The following WWC2 variants were observed in gnomAD, a reference collection of about 807,000 sequenced individuals.
WWC2 encodes WW and C2 domain containing 2, also known as protein WWC2.
WWC2 carries 101 observed loss-of-function variants against 138.5 expected under a neutral mutation model. That is an observed-to-expected ratio of 0.73 (90% CI 0.62 to 0.86). The LOEUF (loss-of-function observed/expected upper bound fraction) is 0.86, where lower values mean the gene tolerates loss of function less well. Ranked by LOEUF, WWC2 falls within the 40% of genes least tolerant of loss-of-function variation. The pLI is 0.00. For synonymous variants in WWC2, 558 were observed against 538.4 expected, an observed-to-expected ratio of 1.04 and a Z score of -0.50; for missense variants, 1,420 against 1,419.4, an observed-to-expected ratio of 1.00 and a Z score of -0.01.
intron 1 of WWC2, among the ~76,000 whole-genome samples, chr4:183,155,456 G>A (rs1733779705): frequency 2.6e-5 from 4 of 152,102 alleles, no homozygotes; most frequent in Admixed American, 2.6e-4. Flanking sequence ...ATCTTTTGAA[G>A]GGTTTTGCTA....
At chr4:183,117,215 CTTTTTTTT>C (rs923478529) in intron 1 of WWC2, among the ~76,000 whole-genome samples, 2 of 95,670 alleles carry the variant, frequency 2.1e-5, no homozygotes, top group African/African-American at 8.5e-5. Flanking sequence ...CATTCTTCTT[CTTTTTTTT>C]TTTTTTTTTT....
rs767527216 is a variant in WWC2, at chr4:183,319,911, T to C, written c.*4182T>C. 1 of 1,613,788 alleles carries C rather than the reference T, an allele frequency of 6.2e-7. No homozygotes were observed. The highest frequency in any genetic ancestry group is 8.5e-7 in the Non-Finnish European group (1 of 1,179,856). On this transcript the variant is annotated 3_prime_UTR_variant, in exon 23 of 23. Transcript: ENST00000403733. The stretch of plus-strand genomic sequence containing the variant: ...CTGACTCTCTCCAATTCTCAAACAG[T>C]CCAGGCCAAACCCAGAGACCAGCAG...
intron 4 of WWC2, among the ~76,000 whole-genome samples, chr4:183,238,130 G>A (rs991294447): frequency 2.0e-5 from 3 of 152,112 alleles, no homozygotes; most frequent in African/African-American, 2.4e-5. Flanking sequence ...AGTCTCCTGG[G>A]CATCACGGAA....
At position 183,274,404 on chromosome 4, in the gene WWC2, T is replaced by C. The variant is rs140161730; in HGVS notation, c.2562+3163T>C. Among the ~76,000 whole-genome samples, 618 of 152,346 alleles carry C rather than the reference T, an allele frequency of 4.1e-3. 3 individuals carry two copies. Among genetic ancestry groups the C allele is most frequent in the African/African-American group, 0.014 (595 of 41,586 alleles). On this transcript the variant is annotated intron_variant, in intron 16 of 22. Transcript: ENST00000403733. ...AGGTCTTTAATTTCTTTCAATAATA[T>C]TTCATAGTTTTCAGAGTCAAAGTTT...
chr4:183,269,639 T>C (rs1458967235), intron 15 of WWC2: 1 of 373,570 alleles, frequency 2.7e-6, no homozygotes, highest in Non-Finnish European at 5.3e-6. Context: ...TAGTAAGCGA[T>C]GAAGCCAGAT....
Position 183,244,095 on chromosome 4 carries a change from C to T in WWC2, c.603-1321C>T, listed in dbSNP as rs568708184. ...AAACGAGCTCAGAGCCTGTTTTCCC[C>T]GATTCAGTAGGTACTATTTCTCTGG... On this transcript the variant is annotated intron_variant, in intron 5 of 22. Coordinates refer to ENST00000403733, the MANE Select transcript of WWC2 (RefSeq NM_024949.6). Among the ~76,000 whole-genome samples, 65 of 152,012 alleles carry T rather than the reference C, an allele frequency of 4.3e-4. 2 individuals are homozygous for T. In the South Asian group the frequency reaches 0.011, roughly 26 times the overall value.
In WWC2 at chr4:183,207,990, G is replaced by A. The variant is rs199755523; in HGVS notation, c.279G>A (p.Arg93=). The A allele has an allele frequency of 6.2e-7, 1 of 1,613,068 alleles. No individual in the cohort carries two copies. The highest frequency in any genetic ancestry group is 1.3e-5 in the African/African-American group (1 of 74,996). ...TQIEDPRKQW[R]GEQEKMLKDY... is the part of the protein sequence containing the mutation. ...TAGAAGATCCAAGAAAACAATGGAG[G>A]GGGGAACAGGAGAAGATGCTCAAGG... The change falls in exon 3 of 23, where the codon AGG becomes AGA. Residue 93 remains arginine, a synonymous_variant. Coordinates refer to ENST00000403733, the MANE Select transcript of WWC2 (RefSeq NM_024949.6).
At chr4:183,212,238 AG>A (rs1735619141) in intron 4 of WWC2, among the ~76,000 whole-genome samples, 1 of 152,186 alleles carries the variant, frequency 6.6e-6, no homozygotes, top group Non-Finnish European at 1.5e-5. Flanking sequence ...AGTATGAAAA[AG>A]GTTTGTCTAC....
chr4:183,116,278 C>T (rs1732406101), intron 1 of WWC2, among the ~76,000 whole-genome samples: 2 of 152,120 alleles, frequency 1.3e-5, no homozygotes, highest in Non-Finnish European at 2.9e-5. Context: ...TGACAAGTAC[C>T]ATAAGTTATG....
intron 4 of WWC2, among the ~76,000 whole-genome samples, chr4:183,239,556 G>C (rs1037562502): frequency 6.6e-6 from 1 of 152,168 alleles, no homozygotes; most frequent in Non-Finnish European, 1.5e-5. Flanking sequence ...GCTTGGCATG[G>C]TTGTAGATGC....
chr4:183,111,871 T>C (rs1322431842), intron 1 of WWC2, among the ~76,000 whole-genome samples: 3 of 152,046 alleles, frequency 2.0e-5, no homozygotes, highest in Admixed American at 2.0e-4. Context: ...AGTTTTTTTG[T>C]ACTTTTTGTA....
In WWC2 at chr4:183,265,716, A is replaced by G. The variant is rs1393147576; in HGVS notation, c.2068A>G (p.Ser690Gly). 6.2e-7 allele frequency: 1 copy of G among 1,611,886 alleles called. No individual in the cohort carries two copies. ...QPSEMEDVTYSEEDVAIVETA... is the reference protein window; with the variant it reads ...QPSEMEDVTYGEEDVAIVETA... ...TAGTGAAATGGAAGATGTCACATAC[A>G]GTGAAGAGGATGTAGCCATTGTAGA... Residue 690 changes from serine to glycine, a missense_variant, in exon 13 of 23, where the codon AGT (serine) becomes GGT (glycine). Transcript: ENST00000403733.
intron 2 of WWC2, among the ~76,000 whole-genome samples, chr4:183,204,381 T>G (rs1735385838): frequency 6.6e-6 from 1 of 152,212 alleles, no homozygotes; most frequent in East Asian, 1.9e-4. Flanking sequence ...TTTCAGCCTC[T>G]TTTTACAATC....
intron 20 of WWC2, among the ~76,000 whole-genome samples, chr4:183,288,333 C>G (rs1738323536): frequency 6.6e-6 from 1 of 152,164 alleles, no homozygotes; most frequent in Admixed American, 6.5e-5. Flanking sequence ...GAGTACTTGT[C>G]AAATTTGAGT....
chr4:183,117,886 C>T (rs1024601488), intron 1 of WWC2, among the ~76,000 whole-genome samples: 6 of 151,884 alleles, frequency 4.0e-5, no homozygotes, highest in African/African-American at 7.3e-5. Context: ...CTGCAACTGC[C>T]GCTTCCCGGG....
chr4:183,293,350 A>G (rs1270120758), intron 21 of WWC2, among the ~76,000 whole-genome samples: 1 of 152,256 alleles, frequency 6.6e-6, no homozygotes, highest in Non-Finnish European at 1.5e-5. Flanking sequence ...ATATATTTAT[A>G]TAATTCATTA....
chr4:183,164,338 C>T (rs1403712468), intron 1 of WWC2, among the ~76,000 whole-genome samples: 13 of 568 alleles, frequency 0.023, no homozygotes, highest in African/African-American at 0.069. Context: ...TATATATATA[C>T]ATATATATAT....
At chr4:183,143,146 ATAATAT>A (rs1210518753) in intron 1 of WWC2, among the ~76,000 whole-genome samples, 1 of 152,220 alleles carries the variant, frequency 6.6e-6, no homozygotes, top group Non-Finnish European at 1.5e-5. Context: ...TTTTATTGAA[ATAATAT>A]TAAAATTAAC....
chr4:183,104,155 G>A (rs527537196), intron 1 of WWC2, among the ~76,000 whole-genome samples: 4 of 152,068 alleles, frequency 2.6e-5, no homozygotes, highest in African/African-American at 9.7e-5. Context: ...AGTAGAGGTG[G>A]CGTTTCATCA....
Sources: allele counts gnomAD v4.1 joint callset (sites outside exome capture counted in the v4.1 genomes callset), GRCh38; gene constraint gnomAD v4.1.1; transcripts MANE v1.5; gene names NCBI Gene and HGNC (gene_info 2026-07-23, HGNC 2026-07-21).